EXOC5: variants seen among roughly 807,000 people sequenced by gnomAD.
EXOC5 encodes the protein exocyst complex component 5.
Under a neutral mutation model 90.8 loss-of-function variants are expected in EXOC5, and 17 were observed. The ratio of observed to expected loss-of-function variants is 0.19; its 90% CI spans 0.13 to 0.28. The LOEUF (loss-of-function observed/expected upper bound fraction) is 0.28, where lower values mean the gene tolerates loss of function less well. Ranked by LOEUF, EXOC5 falls within the 10% of genes least tolerant of loss-of-function variation. The pLI is 1.00. For synonymous variants in EXOC5, 260 were observed against 270.0 expected (o/e 0.96, Z 0.36); for missense variants, 569 against 830.6 (o/e 0.69, Z 3.87).
intron 16 of EXOC5, 84 bp from the exon 17 acceptor site, chr14:57,209,866 A>C: frequency 8.0e-7 from 1 of 1,242,508 alleles, no homozygotes; most frequent in Non-Finnish European, 1.1e-6. Context: ...TTAATCTTTA[A>C]GTATAAAAGA....
chr14:57,242,213 TTTTTTG>T (rs1468021067), intron 4 of EXOC5, among the ~76,000 whole-genome samples: 2 of 152,116 alleles, frequency 1.3e-5, no homozygotes, highest in South Asian at 2.1e-4. Flanking sequence ...TAATAGGGTT[TTTTTTG>T]TTTTTGTTTT....
At chr14:57,249,967 T>C (rs544097958) in intron 1 of EXOC5, among the ~76,000 whole-genome samples, 1 of 152,122 alleles carries the variant, frequency 6.6e-6, no homozygotes, top group African/African-American at 2.4e-5. Context: ...AAACGGGGTT[T>C]CTCCATGTTG....
Position 57,204,933 on chromosome 14 carries a change from T to C in EXOC5, c.*3676A>G, listed in dbSNP as rs895044014. On this transcript the variant is annotated 3_prime_UTR_variant, in exon 18 of 18. Coordinates refer to ENST00000621441, the MANE Select transcript of EXOC5 (RefSeq NM_006544.4). ...AATGAACCTATCAAACTAAAGGATC[T>C]ATTTAACGTTACGTAAGGAGAATAG... is the stretch of plus-strand genomic sequence containing the variant. 6.6e-6 allele frequency: 1 copy of C among 152,046 alleles called. No homozygotes were observed. The highest frequency in any genetic ancestry group is 1.9e-4 in the East Asian group (1 of 5,198). 9.4% of individuals were successfully genotyped at this position (152,046 alleles called of 1,614,324 possible).
In EXOC5 at chr14:57,208,355, C is replaced by G. The variant is rs1228272962; in HGVS notation, c.*254G>C. ...ACAGTGACATGTAGTTTTAGAGAAT[C>G]TGAAATTTCTACATTCAAGAATGGA... On this transcript the variant is annotated 3_prime_UTR_variant, in exon 18 of 18. Transcript: ENST00000621441. The G allele has an allele frequency of 6.0e-6, 2 of 332,384 alleles. No individual in the cohort carries two copies. The highest frequency in any genetic ancestry group is 1.1e-5 in the Non-Finnish European group (2 of 182,962). 20.6% of individuals were successfully genotyped at this position (332,384 alleles called of 1,614,324 possible).
At chr14:57,240,322 T>G (rs966061056) in intron 4 of EXOC5, among the ~76,000 whole-genome samples, 6 of 151,932 alleles carry the variant, frequency 3.9e-5, no homozygotes. Context: ...CAGATATCTC[T>G]TAAGGCTGGA....
intron 7 of EXOC5, 128 bp downstream of exon 7, chr14:57,235,583 T>C: frequency 1.8e-6 from 1 of 543,726 alleles, no homozygotes; most frequent in Non-Finnish European, 3.3e-6. Flanking sequence ...TACAAATTAC[T>C]CAAAACAGTG....
intron 12 of EXOC5, 112 bp downstream of exon 12, chr14:57,229,619 TATA>T (rs1164864040): frequency 2.0e-5 from 11 of 547,018 alleles, no homozygotes; most frequent in Non-Finnish European, 3.3e-5. Flanking sequence ...CTACACACTT[TATA>T]TAGCAGACTT....
chr14:57,254,669 T>C (rs1884295739), intron 1 of EXOC5, among the ~76,000 whole-genome samples: 2 of 152,118 alleles, frequency 1.3e-5, no homozygotes, highest in African/African-American at 2.4e-5. Context: ...AATGTGATGG[T>C]ATTTGGAGAT....
chr14:57,210,031 C>T lies in EXOC5; in HGVS notation c.1644G>A (p.Lys548=). 1.0e-5 allele frequency: 16 copies of T among 1,592,878 alleles called. No individual in the cohort carries two copies. Among genetic ancestry groups the T allele is most frequent in the African/African-American group, 1.3e-5 (1 of 74,720 alleles). Residue 548 remains lysine, a synonymous_variant, in exon 16 of 18, where the codon AAG becomes AAA. Coordinates refer to ENST00000621441, the MANE Select transcript of EXOC5 (RefSeq NM_006544.4). ...RTLNCMIGQM[K]HILAAEQKKT... is the part of the protein sequence containing the mutation. ...TCTTCTGTTCTGCAGCCAAAATATGCTTCATCTGTCCAATCATACAATTTA... is the reference window on the plus strand; with the variant it reads ...TCTTCTGTTCTGCAGCCAAAATATGTTTCATCTGTCCAATCATACAATTTA...
In EXOC5 at chr14:57,244,197, A is replaced by C; in HGVS notation, c.433T>G (p.Leu145Val). 1 of 1,613,738 alleles carries C rather than the reference A, an allele frequency of 6.2e-7. No individual in the cohort carries two copies. The highest frequency in any genetic ancestry group is 8.5e-7 in the Non-Finnish European group (1 of 1,179,698). Residue 145 changes from leucine (L) to valine (V), a missense_variant, in exon 4 of 18, where the codon TTG (leucine) becomes GTG (valine). Coordinates refer to ENST00000621441, the MANE Select transcript of EXOC5 (RefSeq NM_006544.4). Reference sequence around the variant, plus strand: ...GAATTTGTAAAAACATCAGATTTCAATTCTCCATCTAGAAACTCATTAAAG... The same window carrying C: ...GAATTTGTAAAAACATCAGATTTCACTTCTCCATCTAGAAACTCATTAAAG... ...KYFNEFLDGE[L>V]KSDVFTNSEK... is the part of the protein sequence containing the mutation.
chr14:57,221,388 C>T (rs1004444071), intron 13 of EXOC5, among the ~76,000 whole-genome samples: 6 of 152,112 alleles, frequency 3.9e-5, no homozygotes, highest in Non-Finnish European at 5.9e-5. Flanking sequence ...AATAGGAAAC[C>T]ACCACAGAGT....
At chr14:57,244,390 A>C in intron 3 of EXOC5, 31 bp from the exon 4 acceptor site, 1 of 1,484,104 alleles carries the variant, frequency 6.7e-7, no homozygotes. Context: ...CATAAAATAC[A>C]ATCAGTGTGC....
intron 12 of EXOC5, among the ~76,000 whole-genome samples, chr14:57,227,719 T>TA (rs1015231726): frequency 7.9e-5 from 12 of 152,194 alleles, no homozygotes; most frequent in African/African-American, 2.9e-4. Flanking sequence ...TTTCTTTTTG[T>TA]AAACTGCGTA....
At chr14:57,262,638 GTATA>G (rs1884541507) in intron 1 of EXOC5, among the ~76,000 whole-genome samples, 1 of 141,052 alleles carries the variant, frequency 7.1e-6, no homozygotes, top group South Asian at 2.2e-4. Context: ...TATACATTAA[GTATA>G]TATACATATA....
In EXOC5 at chr14:57,246,853, A is replaced by G; in HGVS notation, c.128T>C (p.Leu43Ser). ...CTGAATATGATTTACAAATTCTTCTAATAATCTAACAGAGGAAAGTTTGAA... is the reference window on the plus strand; with the variant it reads ...CTGAATATGATTTACAAATTCTTCTGATAATCTAACAGAGGAAAGTTTGAA... ...GPEAFDPKRL[L>S]EEFVNHIQEL... Residue 43 changes from leucine to serine, a missense_variant, in exon 3 of 18, where the codon TTA (leucine) becomes TCA (serine). This residue lies in a region of EXOC5 where 45 missense variants were observed against 44.6 expected (regional missense o/e 1.01). Transcript: ENST00000621441. 6.4e-7 allele frequency: 1 copy of G among 1,568,384 alleles called. No individual in the cohort carries two copies. Among genetic ancestry groups the G allele is most frequent in the Non-Finnish European group, 8.7e-7 (1 of 1,147,098 alleles).
At chr14:57,249,843 C>T (rs890883896) in intron 1 of EXOC5, among the ~76,000 whole-genome samples, 1 of 152,074 alleles carries the variant, frequency 6.6e-6, no homozygotes, top group Non-Finnish European at 1.5e-5. Flanking sequence ...ATGATCTCGG[C>T]TCACCTCAAC....
At chr14:57,250,049 G>C (rs1884144641) in intron 1 of EXOC5, among the ~76,000 whole-genome samples, 1 of 152,156 alleles carries the variant, frequency 6.6e-6, no homozygotes, top group South Asian at 2.1e-4. Context: ...TGAGATTACA[G>C]GCATGAGCCA....
At chr14:57,252,677 C>CTGTT (rs1884228845) in intron 1 of EXOC5, among the ~76,000 whole-genome samples, 1 of 152,102 alleles carries the variant, frequency 6.6e-6, no homozygotes, top group South Asian at 2.1e-4. Flanking sequence ...CCCTTGCACA[C>CTGTT]TGTTGGTGGG....
At chr14:57,230,421 G>T (rs975478127) in intron 11 of EXOC5, among the ~76,000 whole-genome samples, 1 of 136,802 alleles carries the variant, frequency 7.3e-6, no homozygotes, top group Non-Finnish European at 1.5e-5. Flanking sequence ...TGAGACTACC[G>T]TAAACACACA....
Sources: gnomAD v4.1 joint callset for allele counts (sites outside exome capture counted in the v4.1 genomes callset) on GRCh38, gnomAD v4.1.1 for gene constraint, gnomAD v4.1.1 regional missense constraint, MANE v1.5 for transcripts, NCBI Gene and HGNC (gene_info 2026-07-23, HGNC 2026-07-21) for gene names.